COL5A1: variants seen among roughly 807,000 people sequenced by gnomAD.
COL5A1 encodes collagen alpha-1(V) chain.
In COL5A1, 16 loss-of-function variants were observed where a neutral mutation model predicts 263.7. The observed-to-expected ratio is 0.06, with a 90% CI of 0.04 to 0.09. The LOEUF is 0.09. COL5A1 is among the 10% of genes least tolerant of loss of function. The probability of loss-of-function intolerance (pLI) is 1.00; values close to 1 mark genes in which losing one functional copy is unlikely to be tolerated. For missense variants in COL5A1, 2,036 were observed against 2,540.5 expected (o/e 0.80, Z 4.27); for synonymous variants, 1,012 against 1,004.5 (o/e 1.01, Z -0.14).
At chr9:134,752,973 G>A (rs182187555) in intron 14 of COL5A1, among the ~76,000 whole-genome samples, 29 of 152,182 alleles carry the variant, frequency 1.9e-4, no homozygotes, top group Admixed American at 1.7e-3. Flanking sequence ...ATCAGAGGAG[G>A]AGGCCCCTCC....
chr9:134,798,841 C>A (rs1215879682), intron 37 of COL5A1, among the ~76,000 whole-genome samples: 1 of 152,220 alleles, frequency 6.6e-6, no homozygotes, highest in African/African-American at 2.4e-5. Flanking sequence ...AGTGCTACCC[C>A]GCTTGAGGGA....
chr9:134,740,524 C>T (rs1054707321), intron 11 of COL5A1, among the ~76,000 whole-genome samples: 23 of 152,218 alleles, frequency 1.5e-4, no homozygotes, highest in Admixed American at 6.5e-4. Context: ...GCACAAATGC[C>T]GGTTGACACA....
intron 1 of COL5A1, among the ~76,000 whole-genome samples, chr9:134,660,091 TG>T (rs1418860606): frequency 6.6e-6 from 1 of 152,198 alleles, no homozygotes; most frequent in Non-Finnish European, 1.5e-5. Flanking sequence ...GTCAGGGACC[TG>T]GGCCACGATC....
chr9:134,752,674 G>A (rs1312992906), intron 14 of COL5A1, 29 bp downstream of exon 14: 1 of 1,582,618 alleles, frequency 6.3e-7, no homozygotes, highest in Non-Finnish European at 8.7e-7. Context: ...TGAGAGCTGG[G>A]CGTGGTGTGG....
At chr9:134,732,517 C>T (rs1834931285) in intron 9 of COL5A1, 3 of 362,642 alleles carry the variant, frequency 8.3e-6, no homozygotes, top group African/African-American at 2.0e-5. Context: ...AAAAGATGCG[C>T]GCGGCAGTGG....
chr9:134,732,920 C>T (rs185891036), intron 9 of COL5A1, among the ~76,000 whole-genome samples: 74 of 152,298 alleles, frequency 4.9e-4, no homozygotes, highest in African/African-American at 1.7e-3. Flanking sequence ...TGCCCCGCCC[C>T]GCCGCCGGCA....
intron 17 of COL5A1, 123 bp downstream of exon 17, chr9:134,756,941 C>G: frequency 1.0e-6 from 1 of 959,888 alleles, no homozygotes; most frequent in East Asian, 2.5e-5. Context: ...GGCTCCGTCA[C>G]TGGCATTTGA....
chr9:134,728,277 C>T (rs373913019), intron 5 of COL5A1, among the ~76,000 whole-genome samples: 3 of 152,224 alleles, frequency 2.0e-5, no homozygotes, highest in East Asian at 1.9e-4. Flanking sequence ...AAGCCCTACC[C>T]GTGGGGTCCC....
chr9:134,784,968 C>A, intron 29 of COL5A1, 21 bp from the exon 30 acceptor site: 1 of 1,517,940 alleles, frequency 6.6e-7, no homozygotes, highest in Non-Finnish European at 9.1e-7. Flanking sequence ...GTCTTCTCAC[C>A]TCCTCTTTTC....
At chr9:134,797,486 C>CTT (rs56030985) in intron 36 of COL5A1, among the ~76,000 whole-genome samples, 7 of 151,978 alleles carry the variant, frequency 4.6e-5, no homozygotes, top group Middle Eastern at 3.4e-3. Context: ...TAATCTCTTT[C>CTT]TTTTTTTGTT....
At chr9:134,810,168 A>C in intron 43 of COL5A1, 87 bp from the exon 44 acceptor site, 3 of 1,448,262 alleles carry the variant, frequency 2.1e-6, no homozygotes, top group Non-Finnish European at 2.9e-6. Flanking sequence ...ACTGTTCTTA[A>C]TCTCCAAGAA....
At chr9:134,711,150 G>A (rs1220280482) in intron 4 of COL5A1, among the ~76,000 whole-genome samples, 4 of 152,118 alleles carry the variant, frequency 2.6e-5, no homozygotes, top group Admixed American at 6.5e-5. Flanking sequence ...TTGTTCGGTC[G>A]GTGGTTTGGT....
At chr9:134,735,559 G>C (rs1250260633) in intron 9 of COL5A1, among the ~76,000 whole-genome samples, 1 of 152,158 alleles carries the variant, frequency 6.6e-6, no homozygotes, top group African/African-American at 2.4e-5. Context: ...GCTGTTCCCA[G>C]CTTCCTTCAG....
intron 11 of COL5A1, among the ~76,000 whole-genome samples, chr9:134,739,100 G>A (rs892808654): frequency 2.6e-5 from 4 of 152,256 alleles, no homozygotes; most frequent in Non-Finnish European, 5.9e-5. Context: ...CGCAGCAGCA[G>A]TAACCACAGC....
chr9:134,710,969 G>C (rs1834022480), intron 4 of COL5A1, among the ~76,000 whole-genome samples: 3 of 148,954 alleles, frequency 2.0e-5, no homozygotes, highest in Non-Finnish European at 4.5e-5. Context: ...GTTGGGTGCA[G>C]TGGTGGGGGA....
At chr9:134,707,360 C>A (rs923017516) in intron 4 of COL5A1, among the ~76,000 whole-genome samples, 1 of 152,242 alleles carries the variant, frequency 6.6e-6, no homozygotes, top group East Asian at 1.9e-4. Flanking sequence ...CTCCATCTGT[C>A]TGCCTTCATT....
At chr9:134,749,474 C>A (rs944055668) in intron 11 of COL5A1, among the ~76,000 whole-genome samples, 1 of 152,186 alleles carries the variant, frequency 6.6e-6, no homozygotes, top group African/African-American at 2.4e-5. Flanking sequence ...AAAGACAAGG[C>A]AGGCAAGTTT....
intron 49 of COL5A1, 58 bp from the exon 50 acceptor site, chr9:134,814,739 T>A: frequency 7.5e-7 from 1 of 1,333,410 alleles, no homozygotes; most frequent in Non-Finnish European, 1.1e-6. Flanking sequence ...AGGCCCACCT[T>A]GCTCTGGGCG....
At position 134,700,582 on chromosome 9, in the gene COL5A1, C is replaced by T. The variant is rs1020386835; in HGVS notation, c.491+460C>T. Among the ~76,000 whole-genome samples the T allele has an allele frequency of 2.6e-5, 4 of 152,172 alleles. No homozygotes were observed. Among genetic ancestry groups the T allele is most frequent in the African/African-American group, 7.2e-5 (3 of 41,448 alleles). ...ACCAGGGGTTGTCAGTCTCCTCTTT[C>T]GTGGTCAGCACGTGTGAGGTCATGC... On this transcript the variant is annotated intron_variant, in intron 3 of 65. Coordinates refer to ENST00000371817, the MANE Select transcript of COL5A1 (RefSeq NM_000093.5). This position sits in a 1 kb window ranked among gnomAD's most constrained non-coding sequence, Gnocchi z 4.0.
Sources: allele counts gnomAD v4.1 joint callset (sites outside exome capture counted in the v4.1 genomes callset), GRCh38; gene constraint gnomAD v4.1.1; non-coding constraint Gnocchi (gnomAD v3.1); transcripts MANE v1.5; gene names NCBI Gene and HGNC (gene_info 2026-07-23, HGNC 2026-07-21).